The following FRY variants were observed in gnomAD, a reference collection of about 807,000 sequenced individuals.
FRY encodes the protein FRY microtubule binding protein.
Under a neutral mutation model 348.4 loss-of-function variants are expected in FRY, and 128 were observed. The ratio of observed to expected loss-of-function variants is 0.37; its 90% CI spans 0.32 to 0.43. The LOEUF (loss-of-function observed/expected upper bound fraction) is 0.43. FRY is among the 20% of genes least tolerant of loss of function. The pLI is 1.00. For missense variants in FRY, 2,736 were observed against 3,695.2 expected, an observed-to-expected ratio of 0.74 and a Z score of 6.73; for synonymous variants, 1,370 against 1,374.7, an observed-to-expected ratio of 1.00 and a Z score of 0.08.
intron 47 of FRY, among the ~76,000 whole-genome samples, chr13:32,245,620 A>G (rs1393072849): frequency 1.3e-5 from 2 of 151,828 alleles, no homozygotes; most frequent in Non-Finnish European, 2.9e-5. Context: ...AGATAGGAAT[A>G]TAGATAGATG....
chr13:32,108,466 C>A (rs1373676467), intron 3 of FRY, among the ~76,000 whole-genome samples: 2 of 152,168 alleles, frequency 1.3e-5, no homozygotes, highest in African/African-American at 4.8e-5. Flanking sequence ...ATGCAGAAGG[C>A]ATGTATTGTT....
rs781683553 is a variant in FRY at position 32,237,488 on chromosome 13, G to A, written c.5920G>A (p.Glu1974Lys). Residue 1974 changes from glutamate (E) to lysine (K), a missense_variant, in exon 44 of 61, where the codon GAA (glutamate) becomes AAA (lysine). Transcript: ENST00000542859. This position sits in a 1 kb window ranked among gnomAD's most constrained non-coding sequence, Gnocchi z 6.3. The part of the protein sequence containing the change: ...GTTSGNTATA[E>K]RSRHQRSFSV... ...CACCAGCGGCAACACCGCAACTGCC[G>A]AACGGAGCCGGCATCAACGAAGCTT... 6 of 1,614,018 alleles carry A rather than the reference G, an allele frequency of 3.7e-6. No homozygotes were observed. The highest frequency in any genetic ancestry group is 1.1e-5 in the South Asian group (1 of 91,056).
chr13:32,070,119 G>A (rs1390885760), intron 1 of FRY, among the ~76,000 whole-genome samples: 1 of 152,108 alleles, frequency 6.6e-6, no homozygotes, highest in Non-Finnish European at 1.5e-5. Context: ...ATCATTGATG[G>A]ACATTTGGGT....
chr13:32,077,372 C>CA (rs1385728371), intron 1 of FRY, among the ~76,000 whole-genome samples: 2 of 152,122 alleles, frequency 1.3e-5, no homozygotes, highest in African/African-American at 4.8e-5. Flanking sequence ...CATAGGTCTC[C>CA]AAGGGCTTGG....
chr13:32,252,223 T>C (rs1887120018), intron 50 of FRY, among the ~76,000 whole-genome samples: 1 of 152,180 alleles, frequency 6.6e-6, no homozygotes, highest in African/African-American at 2.4e-5. Context: ...GATTTTTTTT[T>C]TATAAATATG....
chr13:32,251,803 G>T (rs993360537), intron 49 of FRY, 75 bp from the exon 50 acceptor site: 18 of 874,644 alleles, frequency 2.1e-5, no homozygotes, highest in Non-Finnish European at 3.4e-5. Flanking sequence ...GCCCTGTATG[G>T]CTAGTGGCTA....
At chr13:32,081,377 T>C (rs1251514932) in intron 2 of FRY, among the ~76,000 whole-genome samples, 2 of 152,240 alleles carry the variant, frequency 1.3e-5, no homozygotes, top group African/African-American at 2.4e-5. Context: ...CAGACCTCAG[T>C]GCAATGGCGC....
intron 3 of FRY, among the ~76,000 whole-genome samples, chr13:32,105,572 A>G (rs1017576738): frequency 4.6e-5 from 7 of 152,194 alleles, no homozygotes; most frequent in African/African-American, 1.4e-4. Flanking sequence ...TTTTATTCCA[A>G]ACAGTAGGAT....
At chr13:32,081,978 T>C (rs1407372384) in intron 2 of FRY, among the ~76,000 whole-genome samples, 1 of 152,246 alleles carries the variant, frequency 6.6e-6, no homozygotes, top group African/African-American at 2.4e-5. Flanking sequence ...ATCACAAAAT[T>C]GTATTCTATT....
chr13:32,055,776 A>G (rs1242647128), intron 1 of FRY, among the ~76,000 whole-genome samples: 1 of 152,234 alleles, frequency 6.6e-6, no homozygotes, highest in Admixed American at 6.5e-5. Flanking sequence ...GGAAATCAGG[A>G]AAACTTTTTG....
intron 1 of FRY, among the ~76,000 whole-genome samples, chr13:32,037,117 C>G (rs1784992228): frequency 6.6e-6 from 1 of 151,562 alleles, no homozygotes; most frequent in Admixed American, 6.6e-5. Flanking sequence ...TTTGAAAGAC[C>G]TTAAGTGTTC....
intron 29 of FRY, 50 bp downstream of exon 29, chr13:32,194,347 T>G (rs200717566): frequency 6.5e-7 from 1 of 1,534,888 alleles, no homozygotes; most frequent in African/African-American, 1.4e-5. Flanking sequence ...TTAGGGTTAC[T>G]TTTTGTGATA....
At chr13:32,278,438 C>G in intron 57 of FRY, 27 bp from the exon 58 acceptor site, 2 of 1,230,260 alleles carry the variant, frequency 1.6e-6, no homozygotes, top group Non-Finnish European at 2.4e-6. Flanking sequence ...CTGAATTTAC[C>G]TATGTCTTTC....
In FRY at chr13:32,086,061, G is replaced by A. The variant is rs150979184; in HGVS notation, c.270+7028G>A. 383 of 491,800 alleles carry A rather than the reference G, an allele frequency of 7.8e-4. 1 individual carries two copies. Among genetic ancestry groups the A allele is most frequent in the African/African-American group, 5.4e-3 (275 of 50,998 alleles). 30.5% of individuals were successfully genotyped at this position (491,800 alleles called of 1,614,324 possible). On this transcript the variant is annotated intron_variant, in intron 2 of 60. Coordinates refer to ENST00000542859, the MANE Select transcript of FRY (RefSeq NM_023037.3). ...AAAACCAGAGATTTGAGGTAAGTCC[G>A]CCTCTGAGGGTTTTCAAAGGCTTTC...
In FRY at chr13:32,173,439, G is replaced by A; in HGVS notation, c.2224G>A (p.Glu742Lys). The part of the protein sequence containing the change: ...GPHCSVLHAV[E>K]GFALVLLCSF... ...CCACTGCAGTGTACTCCACGCTGTA[G>A]AAGGTTTTGCTCTGGTTTTACTCTG... is the stretch of plus-strand genomic sequence containing the variant. Residue 742 changes from glutamate to lysine, a missense_variant, in exon 19 of 61, where the codon GAA becomes AAA. Glu to Lys is a moderately conservative substitution (Grantham distance 56). This residue lies in a region of FRY where 449 missense variants were observed against 576.9 expected (regional missense o/e 0.78). Coordinates refer to ENST00000542859, the MANE Select transcript of FRY (RefSeq NM_023037.3). The A allele has an allele frequency of 6.2e-7, 1 of 1,612,944 alleles. No homozygotes were observed. The highest frequency in any genetic ancestry group is 8.5e-7 in the Non-Finnish European group (1 of 1,179,766).
At chr13:32,191,099 G>A (rs570405752) in intron 28 of FRY, among the ~76,000 whole-genome samples, 2 of 152,254 alleles carry the variant, frequency 1.3e-5, no homozygotes, top group South Asian at 4.1e-4. Flanking sequence ...GGGTCAATTG[G>A]ATAGCCTTAC....
At chr13:32,188,238 T>C (rs1482548188) in intron 28 of FRY, among the ~76,000 whole-genome samples, 1 of 152,132 alleles carries the variant, frequency 6.6e-6, no homozygotes, top group African/African-American at 2.4e-5. Context: ...TTTTTCGAAG[T>C]CTTTGCTTAC....
chr13:32,251,668 T>A (rs1413929578), intron 49 of FRY, among the ~76,000 whole-genome samples: 1 of 152,252 alleles, frequency 6.6e-6, no homozygotes, highest in Non-Finnish European at 1.5e-5. Flanking sequence ...TTACCTAACC[T>A]ACTATATTTA....
intron 17 of FRY, among the ~76,000 whole-genome samples, chr13:32,164,606 C>T (rs1408578402): frequency 6.6e-6 from 1 of 152,214 alleles, no homozygotes; most frequent in Non-Finnish European, 1.5e-5. Flanking sequence ...ATGTATTGCT[C>T]AGCCAGCTCA....
Sources: allele counts gnomAD v4.1 joint callset (sites outside exome capture counted in the v4.1 genomes callset), GRCh38; gene constraint gnomAD v4.1.1; regional missense constraint gnomAD v4.1.1; non-coding constraint Gnocchi (gnomAD v3.1); transcripts MANE v1.5; gene names NCBI Gene and HGNC (gene_info 2026-07-23, HGNC 2026-07-21).